The following KSR2 variants were observed in gnomAD, a reference collection of about 807,000 sequenced individuals.
The protein encoded by KSR2 is kinase suppressor of ras 2.
A neutral mutation model predicts 107.8 loss-of-function variants in KSR2; 25 were observed. That is an observed-to-expected ratio of 0.23 (90% CI 0.17 to 0.32). The LOEUF (loss-of-function observed/expected upper bound fraction) is 0.32. KSR2 is among the 10% of genes least tolerant of loss of function. The probability of loss-of-function intolerance (pLI) is 1.00; values close to 1 mark genes in which losing one functional copy is unlikely to be tolerated. For missense variants in KSR2, 887 were observed against 1,268.9 expected (o/e 0.70, Z 4.57); for synonymous variants, 480 against 507.0 (o/e 0.95, Z 0.71).
intron 4 of KSR2, among the ~76,000 whole-genome samples, chr12:117,739,258 G>GTA (rs1888074439): frequency 6.6e-6 from 1 of 151,576 alleles, no homozygotes; most frequent in Non-Finnish European, 1.5e-5. Context: ...GGGAGGCTGA[G>GTA]GCAGGAGAAT....
chr12:117,910,718 C>G (rs2137426668), intron 1 of KSR2, among the ~76,000 whole-genome samples: 1 of 152,268 alleles, frequency 6.6e-6, no homozygotes, highest in South Asian at 2.1e-4. Flanking sequence ...GTCATGGGAT[C>G]CCCAGAGAGT....
chr12:117,493,554 C>A (rs1445635108), intron 14 of KSR2, among the ~76,000 whole-genome samples: 1 of 152,180 alleles, frequency 6.6e-6, no homozygotes, highest in Non-Finnish European at 1.5e-5. Flanking sequence ...CCAACTAGGT[C>A]ACTCCCCCCA....
intron 14 of KSR2, among the ~76,000 whole-genome samples, chr12:117,499,362 A>T (rs1178006781): frequency 6.6e-6 from 1 of 152,086 alleles, no homozygotes; most frequent in African/African-American, 2.4e-5. Flanking sequence ...TTCTTTCCTA[A>T]TTTTTCCTCC....
chr12:117,821,975 T>A (rs1331826295), intron 3 of KSR2, among the ~76,000 whole-genome samples: 2 of 152,142 alleles, frequency 1.3e-5, no homozygotes, highest in Non-Finnish European at 2.9e-5. Flanking sequence ...ATACGGCTCA[T>A]AAAGATCTTC....
intron 3 of KSR2, among the ~76,000 whole-genome samples, chr12:117,767,907 C>T (rs1022283328): frequency 2.6e-5 from 4 of 152,076 alleles, no homozygotes; most frequent in African/African-American, 7.2e-5. Flanking sequence ...GTGACTGATC[C>T]CCTTGCCACT....
chr12:117,824,470 T>C (rs1891668693), intron 3 of KSR2, among the ~76,000 whole-genome samples: 1 of 152,224 alleles, frequency 6.6e-6, no homozygotes, highest in African/African-American at 2.4e-5. Context: ...ATTCCTACAC[T>C]TTTTGATCTT....
chr12:117,549,129 G>T (rs959574114), intron 9 of KSR2, among the ~76,000 whole-genome samples: 1 of 152,138 alleles, frequency 6.6e-6, no homozygotes, highest in Non-Finnish European at 1.5e-5. Context: ...GGAAGCCTTC[G>T]CACTCTATCT....
intron 4 of KSR2, among the ~76,000 whole-genome samples, chr12:117,731,389 C>A (rs1470599956): frequency 6.8e-6 from 1 of 147,088 alleles, no homozygotes; most frequent in Non-Finnish European, 1.5e-5. Context: ...CGTCTCCGCC[C>A]AGCAGCCGCC....
intron 1 of KSR2, among the ~76,000 whole-genome samples, chr12:117,863,172 G>A (rs978021005): frequency 2.6e-5 from 4 of 152,066 alleles, no homozygotes; most frequent in Admixed American, 6.5e-5. Flanking sequence ...TGTGACCCAG[G>A]CCCCACCAAA....
intron 4 of KSR2, among the ~76,000 whole-genome samples, chr12:117,693,246 C>T (rs1885906634): frequency 6.6e-6 from 1 of 152,140 alleles, no homozygotes; most frequent in African/African-American, 2.4e-5. Flanking sequence ...CAAATGAAAA[C>T]ACAGTGTGAG....
intron 3 of KSR2, among the ~76,000 whole-genome samples, chr12:117,777,141 A>T (rs201431825): frequency 0.027 from 2,989 of 110,308 alleles, 145 homozygotes; most frequent in East Asian, 0.24. Context: ...ACACTATATT[A>T]TATATATATA....
chr12:117,892,115 A>G (rs1446225853), intron 1 of KSR2, among the ~76,000 whole-genome samples: 2 of 152,186 alleles, frequency 1.3e-5, no homozygotes, highest in South Asian at 2.1e-4. Context: ...CCTGGCTAAC[A>G]TGATGAAACC....
intron 4 of KSR2, among the ~76,000 whole-genome samples, chr12:117,682,312 T>C (rs1004133867): frequency 1.3e-5 from 2 of 152,126 alleles, no homozygotes; most frequent in African/African-American, 4.8e-5. Flanking sequence ...AGCTAATGCA[T>C]GCTGGGCTTA....
intron 7 of KSR2, among the ~76,000 whole-genome samples, chr12:117,578,104 C>A (rs916897032): frequency 6.6e-5 from 10 of 152,060 alleles, no homozygotes; most frequent in African/African-American, 2.2e-4. Context: ...GGTGGTACGG[C>A]CTTCTCATCA....
intron 5 of KSR2, among the ~76,000 whole-genome samples, chr12:117,596,188 G>A (rs779022815): frequency 7.9e-5 from 12 of 152,088 alleles, no homozygotes; most frequent in East Asian, 1.9e-4. Context: ...CAATCATGGC[G>A]GAAGGCGAAA....
intron 6 of KSR2, among the ~76,000 whole-genome samples, chr12:117,580,439 G>C (rs1879573658): frequency 1.3e-5 from 2 of 152,210 alleles, no homozygotes; most frequent in African/African-American, 2.4e-5. Flanking sequence ...CATAGGAGTG[G>C]CGGGCAGGCT....
chr12:117,845,370 C>G (rs1280375735), intron 3 of KSR2, among the ~76,000 whole-genome samples: 2 of 152,178 alleles, frequency 1.3e-5, no homozygotes, highest in Non-Finnish European at 2.9e-5. Context: ...CATTTGAGAC[C>G]TGTTTGCTCT....
chr12:117,756,914 G>A (rs180850672), intron 4 of KSR2, among the ~76,000 whole-genome samples: 1 of 152,078 alleles, frequency 6.6e-6, no homozygotes, highest in South Asian at 2.1e-4. Flanking sequence ...AATTAGCCAG[G>A]CATGATGGTG....
chr12:117,800,895 C>T (rs1312038723), intron 3 of KSR2, among the ~76,000 whole-genome samples: 7 of 152,258 alleles, frequency 4.6e-5, no homozygotes, highest in Admixed American at 2.0e-4. Flanking sequence ...ATGATGGTTT[C>T]TAGCTTTATC....
Sources: allele counts gnomAD v4.1 joint callset (sites outside exome capture counted in the v4.1 genomes callset), GRCh38; gene constraint gnomAD v4.1.1; transcripts MANE v1.5; gene names NCBI Gene and HGNC (gene_info 2026-07-23, HGNC 2026-07-21).